GRIN1: variants seen among roughly 807,000 people sequenced by gnomAD.
GRIN1 encodes glutamate receptor ionotropic, NMDA 1.
GRIN1 carries 38 observed loss-of-function variants against 103.0 expected under a neutral mutation model. The ratio of observed to expected loss-of-function variants is 0.37; its 90% confidence interval spans 0.28 to 0.48. The LOEUF is 0.48. Ranked by LOEUF, GRIN1 falls within the 20% of genes least tolerant of loss-of-function variation. GRIN1 has a pLI of 0.98. For missense variants in GRIN1, 577 were observed against 1,288.9 expected, an observed-to-expected ratio of 0.45 and a Z score of 8.46; for synonymous variants, 544 against 532.7, an observed-to-expected ratio of 1.02 and a Z score of -0.29.
At chr9:137,167,188 G>A (rs914452563) in intron 19 of GRIN1, among the ~76,000 whole-genome samples, 1 of 152,122 alleles carries the variant, frequency 6.6e-6, no homozygotes, top group Non-Finnish European at 1.5e-5. Context: ...TCTGGGCAGG[G>A]GAGGGCAGCC....
At chr9:137,149,708 C>T (rs1233014549) in intron 4 of GRIN1, among the ~76,000 whole-genome samples, 1 of 152,188 alleles carries the variant, frequency 6.6e-6, no homozygotes, top group African/African-American at 2.4e-5. Flanking sequence ...AAGGAAAAGC[C>T]TGGGTGACTG....
At chr9:137,163,514 T>C (rs772295686) in intron 16 of GRIN1, 45 bp from the exon 17 acceptor site, 5 of 1,284,994 alleles carry the variant, frequency 3.9e-6, no homozygotes, top group Non-Finnish European at 5.7e-6. Flanking sequence ...CTCCTTCCCG[T>C]CCTGGGCCCC....
rs145815461 is a variant in GRIN1, at chr9:137,147,383, C to T, written c.570+1481C>T. Among the ~76,000 whole-genome samples the T allele has an allele frequency of 1.6e-3, 239 of 152,284 alleles. 1 individual carries two copies. Among genetic ancestry groups the T allele is most frequent in the African/African-American group, 5.2e-3 (215 of 41,564 alleles). On this transcript the variant is annotated intron_variant, in intron 3 of 19. Transcript: ENST00000371561. ...TCATGTGCATGCTCACCCTTACTTGCGCCAGCCAGCACAGACACACATGCA... is the reference window on the plus strand; with the variant it reads ...TCATGTGCATGCTCACCCTTACTTGTGCCAGCCAGCACAGACACACATGCA...
chr9:137,139,732 C>T lies in GRIN1; in HGVS notation c.246C>T (p.Leu82=), dbSNP rs192006771. 2.7e-5 allele frequency: 44 copies of T among 1,613,666 alleles called. No individual in the cohort carries two copies. The East Asian group carries it at 9.6e-4, about 35-fold the overall frequency. ...IQMALSVCED[L]ISSQVYAILV... is the part of the protein sequence containing the mutation. ...TGGCTCTGTCGGTGTGCGAGGACCTCATCTCCAGCCAGGTGCCCTCCCCCA... is the reference window on the plus strand; with the variant it reads ...TGGCTCTGTCGGTGTGCGAGGACCTTATCTCCAGCCAGGTGCCCTCCCCCA... The change falls in exon 1 of 20, where the codon CTC becomes CTT. Residue 82 remains leucine (L), a synonymous_variant. Transcript: ENST00000371561. The surrounding 1 kb of genome is among the most constrained non-coding windows in gnomAD (Gnocchi z 7.7).
rs754870278 is a variant in GRIN1, at chr9:137,163,244, T to C, written c.2247T>C (p.Thr749=). 1.2e-6 allele frequency: 2 copies of C among 1,613,760 alleles called. No homozygotes were observed. Among genetic ancestry groups the C allele is most frequent in the South Asian group, 2.2e-5 (2 of 91,082 alleles). ...CGCAGAAGTGCGACCTGGTGACGACTGGAGAGCTGTTTTTCCGCTCGGGCT... is the reference window on the plus strand; with the variant it reads ...CGCAGAAGTGCGACCTGGTGACGACCGGAGAGCTGTTTTTCCGCTCGGGCT... ...EASQKCDLVT[T]GELFFRSGFG... The change falls in exon 16 of 20, where the codon ACT becomes ACC. Residue 749 remains threonine (T), a synonymous_variant. Transcript: ENST00000371561.
At chr9:137,166,259 G>A (rs1251011872) in intron 19 of GRIN1, among the ~76,000 whole-genome samples, 8 of 152,300 alleles carry the variant, frequency 5.3e-5, no homozygotes, top group Admixed American at 2.0e-4. Context: ...CCTCCTGCTC[G>A]GGGCAGCTTG....
rs201974110 is a variant in GRIN1, at chr9:137,157,056, G to A, written c.968+19G>A. On this transcript the variant is annotated intron_variant, in intron 6 of 19. Coordinates refer to ENST00000371561, the MANE Select transcript of GRIN1 (RefSeq NM_007327.4). ...TCAAGAGGTGGGCGGGGCCTCCCCG[G>A]AGCTGGGCGGGGCTGCTCTTGGGGA... 1.0e-5 allele frequency: 16 copies of A among 1,590,372 alleles called. No homozygotes were observed. Among genetic ancestry groups the A allele is most frequent in the African/African-American group, 2.7e-5 (2 of 74,048 alleles).
At chr9:137,165,092 C>T (rs2131307693) in intron 18 of GRIN1, 94 bp from the exon 19 acceptor site, 1 of 919,810 alleles carries the variant, frequency 1.1e-6, no homozygotes, top group East Asian at 2.4e-5. Context: ...GCCCAAGTGG[C>T]CGGCCAGGCT....
intron 15 of GRIN1, 26 bp downstream of exon 15, chr9:137,163,029 G>A: frequency 6.4e-7 from 1 of 1,570,500 alleles, no homozygotes. Context: ...CCACCCTGGC[G>A]GGGCGGGACA....
intron 4 of GRIN1, among the ~76,000 whole-genome samples, chr9:137,149,573 G>T (rs1003341533): frequency 6.6e-6 from 1 of 152,246 alleles, no homozygotes; most frequent in East Asian, 1.9e-4. Context: ...CAGTAGCTTA[G>T]GGGGAAATCA....
At chr9:137,150,098 T>C (rs1588702577) in intron 4 of GRIN1, among the ~76,000 whole-genome samples, 1 of 151,966 alleles carries the variant, frequency 6.6e-6, no homozygotes, top group African/African-American at 2.4e-5. Flanking sequence ...CCTTACATGC[T>C]CCTCCTGCAG....
intron 15 of GRIN1, 36 bp downstream of exon 15, chr9:137,163,039 A>C: frequency 1.8e-6 from 2 of 1,104,638 alleles, no homozygotes; most frequent in Non-Finnish European, 1.3e-6. Context: ...GGGGCGGGAC[A>C]GGTGCGGGGA....
At chr9:137,160,571 A>G (rs1833477374) in intron 8 of GRIN1, among the ~76,000 whole-genome samples, 1 of 152,078 alleles carries the variant, frequency 6.6e-6, no homozygotes, top group East Asian at 1.9e-4. Flanking sequence ...CTGGGACTAC[A>G]GGTGCCCACC....
At chr9:137,158,593 A>G (rs200062352) in intron 7 of GRIN1, 28 bp from the exon 8 acceptor site, 18 of 1,608,914 alleles carry the variant, frequency 1.1e-5, no homozygotes, top group Non-Finnish European at 1.5e-5. Flanking sequence ...CTGCGTGGCC[A>G]CCCTCCATCT....
At chr9:137,149,624 G>C (rs964104204) in intron 4 of GRIN1, among the ~76,000 whole-genome samples, 4 of 152,244 alleles carry the variant, frequency 2.6e-5, no homozygotes, top group Admixed American at 1.3e-4. Flanking sequence ...GACAGGTCCG[G>C]TGCCACAGAG....
chr9:137,165,518 C>G, intron 19 of GRIN1: 1 of 581,050 alleles, frequency 1.7e-6, no homozygotes, highest in South Asian at 1.9e-5. Flanking sequence ...CCGTGTGTCT[C>G]CGTTAGTCTG....
intron 18 of GRIN1, 27 bp downstream of exon 18, chr9:137,163,931 G>C (rs1231205257): frequency 6.2e-7 from 1 of 1,611,222 alleles, no homozygotes; most frequent in East Asian, 2.2e-5. Context: ...TCCGAGGCCT[G>C]GTGCCCAGGG....
At chr9:137,147,143 C>G (rs895691592) in intron 3 of GRIN1, among the ~76,000 whole-genome samples, 1 of 151,674 alleles carries the variant, frequency 6.6e-6, no homozygotes, top group African/African-American at 2.4e-5. Flanking sequence ...ACACTCACCC[C>G]TGCGCACCCA....
intron 10 of GRIN1, 83 bp downstream of exon 10, chr9:137,161,499 G>T: frequency 5.1e-6 from 7 of 1,360,348 alleles, no homozygotes; most frequent in Non-Finnish European, 7.2e-6. Context: ...GAGTAGGCGG[G>T]GCTTGCAGAT....
Sources: gnomAD v4.1 joint callset for allele counts (sites outside exome capture counted in the v4.1 genomes callset) on GRCh38, gnomAD v4.1.1 for gene constraint, Gnocchi (gnomAD v3.1) non-coding constraint, MANE v1.5 for transcripts, NCBI Gene and HGNC (gene_info 2026-07-23, HGNC 2026-07-21) for gene names.